The following NRG1 variants were observed in gnomAD, a reference collection of about 807,000 sequenced individuals.
The protein encoded by NRG1 is neuregulin 1.
Under a neutral mutation model 63.8 loss-of-function variants are expected in NRG1, and 18 were observed. The ratio of observed to expected loss-of-function variants is 0.28; its 90% CI spans 0.19 to 0.42. NRG1 has a LOEUF of 0.42. Ranked by LOEUF, NRG1 falls within the 10% of genes least tolerant of loss-of-function variation. The pLI, the probability that NRG1 is intolerant of heterozygous loss-of-function variation, is 1.00. For missense variants in NRG1, 762 were observed against 814.7 expected (o/e 0.94, Z 0.79); for synonymous variants, 302 against 301.3 (o/e 1.00, Z -0.02).
chr8:32,052,549 A>G (rs1350117769), intron 1 of NRG1, among the ~76,000 whole-genome samples: 3 of 152,014 alleles, frequency 2.0e-5, no homozygotes, highest in African/African-American at 7.2e-5. Flanking sequence ...TTTCAAATCT[A>G]AAAAAATAGT....
At chr8:32,637,115 A>C (rs923082889) in intron 5 of NRG1, among the ~76,000 whole-genome samples, 2 of 152,196 alleles carry the variant, frequency 1.3e-5, no homozygotes, top group African/African-American at 4.8e-5. Context: ...TGAAATTTTC[A>C]AACATAGAGA....
intron 5 of NRG1, among the ~76,000 whole-genome samples, chr8:32,645,548 T>G (rs796612773): frequency 5.3e-5 from 8 of 152,328 alleles, no homozygotes; most frequent in African/African-American, 1.9e-4. Context: ...CTCCTGCCGT[T>G]TAAAGCTGAA....
intron 5 of NRG1, among the ~76,000 whole-genome samples, chr8:32,639,058 A>G (rs1268892981): frequency 1.3e-5 from 2 of 152,074 alleles, no homozygotes; most frequent in Admixed American, 6.5e-5. Flanking sequence ...TGTGTACTCT[A>G]AGGAAAACGT....
At chr8:32,753,061 C>T (rs886074218) in intron 7 of NRG1, among the ~76,000 whole-genome samples, 2 of 152,150 alleles carry the variant, frequency 1.3e-5, no homozygotes, top group Non-Finnish European at 2.9e-5. Flanking sequence ...TGTGCCACTG[C>T]AGATATAATA....
chr8:31,839,776 C>T (rs1234169918), intron 1 of NRG1, among the ~76,000 whole-genome samples: 1 of 152,138 alleles, frequency 6.6e-6, no homozygotes, highest in African/African-American at 2.4e-5. Flanking sequence ...ACACTTTCAG[C>T]GTCTTAGCTC....
intron 1 of NRG1, among the ~76,000 whole-genome samples, chr8:32,470,210 T>A (rs1462791008): frequency 7.4e-6 from 1 of 135,924 alleles, no homozygotes; most frequent in Non-Finnish European, 1.5e-5. Flanking sequence ...ACACAGAGTC[T>A]CGCTCTGTTG....
chr8:32,441,679 G>C (rs1393818314), intron 1 of NRG1, among the ~76,000 whole-genome samples: 2 of 152,014 alleles, frequency 1.3e-5, no homozygotes, highest in African/African-American at 4.8e-5. Flanking sequence ...CTGCTTTCAA[G>C]ACTCTTCAAA....
At chr8:31,697,690 C>A (rs1048881751) in intron 1 of NRG1, among the ~76,000 whole-genome samples, 2 of 152,086 alleles carry the variant, frequency 1.3e-5, no homozygotes, top group Non-Finnish European at 2.9e-5. Flanking sequence ...TGTCTTTAAT[C>A]CCAAGGAAAT....
intron 5 of NRG1, among the ~76,000 whole-genome samples, chr8:32,618,406 A>G (rs1847760682): frequency 6.6e-6 from 1 of 152,144 alleles, no homozygotes; most frequent in Admixed American, 6.6e-5. Flanking sequence ...GTAAAAAAAT[A>G]CTTTTGGTTT....
chr8:31,760,372 A>G (rs1162618167), intron 1 of NRG1, among the ~76,000 whole-genome samples: 1 of 152,168 alleles, frequency 6.6e-6, no homozygotes, highest in Non-Finnish European at 1.5e-5. Flanking sequence ...ATATGCTACC[A>G]TTCAGGACAT....
intron 1 of NRG1, among the ~76,000 whole-genome samples, chr8:32,385,578 C>T (rs190725502): frequency 2.0e-4 from 31 of 152,172 alleles, no homozygotes; most frequent in Admixed American, 2.0e-3. Context: ...GGAGAAGGCA[C>T]GTCTTACATG....
chr8:31,734,800 C>T (rs1260081671), intron 1 of NRG1, among the ~76,000 whole-genome samples: 3 of 152,178 alleles, frequency 2.0e-5, no homozygotes, highest in African/African-American at 7.2e-5. Flanking sequence ...GGAAATGATT[C>T]TACCTTAGAT....
intron 1 of NRG1, among the ~76,000 whole-genome samples, chr8:31,824,269 G>A (rs1263798207): frequency 6.8e-6 from 1 of 146,340 alleles, no homozygotes; most frequent in Non-Finnish European, 1.5e-5. Flanking sequence ...GTGAGAACAT[G>A]CAGTGTTTGG....
intron 1 of NRG1, among the ~76,000 whole-genome samples, chr8:31,897,897 G>A (rs1212448924): frequency 1.3e-5 from 2 of 151,268 alleles, no homozygotes; most frequent in Non-Finnish European, 2.9e-5. Flanking sequence ...GTGGGTGCCT[G>A]TAATCTCAGC....
intron 1 of NRG1, among the ~76,000 whole-genome samples, chr8:31,964,611 G>A (rs1435876691): frequency 1.3e-5 from 2 of 152,162 alleles, no homozygotes; most frequent in Non-Finnish European, 2.9e-5. Context: ...GCTGCAGTGA[G>A]CCATGACAGC....
intron 1 of NRG1, among the ~76,000 whole-genome samples, chr8:32,505,125 T>C (rs1360811005): frequency 6.6e-6 from 1 of 152,182 alleles, no homozygotes. Flanking sequence ...GTTGTTATTA[T>C]CAATTGTTAT....
chr8:31,970,843 A>G (rs1188103160), intron 1 of NRG1, among the ~76,000 whole-genome samples: 3 of 152,008 alleles, frequency 2.0e-5, no homozygotes, highest in Non-Finnish European at 1.5e-5. Flanking sequence ...AGGCTTAGCA[A>G]TCATTCCAAG....
chr8:32,736,618 G>C (rs766154437), intron 6 of NRG1, among the ~76,000 whole-genome samples: 3 of 152,004 alleles, frequency 2.0e-5, no homozygotes, highest in Non-Finnish European at 4.4e-5. Context: ...CAGATAATAG[G>C]GACTTTTCAT....
chr8:31,640,141 G>C lies in NRG1; in HGVS notation c.37+710G>C, dbSNP rs969629479. The C allele has an allele frequency of 6.0e-6, 7 of 1,165,886 alleles. No homozygotes were observed. Among genetic ancestry groups the C allele is most frequent in the Non-Finnish European group, 3.2e-6 (3 of 945,872 alleles). The allele number at this position is 1,165,886 out of a possible 1,614,324, so 72.2% of individuals were successfully genotyped here. Reference sequence around the variant, plus strand: ...GGCGCCGGGGGCGGCGGCCGGCAACGAGGCGGCTCCCGCGGGGGCCTCGGT... The same window carrying C: ...GGCGCCGGGGGCGGCGGCCGGCAACCAGGCGGCTCCCGCGGGGGCCTCGGT... On this transcript the variant is annotated intron_variant, in intron 1 of 10. Coordinates refer to the NRG1 transcript ENST00000519301. The surrounding 1 kb of genome is among the most constrained non-coding windows in gnomAD (Gnocchi z 6.3).
Sources: allele counts gnomAD v4.1 joint callset (sites outside exome capture counted in the v4.1 genomes callset), GRCh38; gene constraint gnomAD v4.1.1; non-coding constraint Gnocchi (gnomAD v3.1); transcripts MANE v1.5; gene names NCBI Gene and HGNC (gene_info 2026-07-23, HGNC 2026-07-21).